Variants in ZNF804B observed in about 807,000 individuals in gnomAD.
ZNF804B encodes zinc finger protein 804B.
Under a neutral mutation model 101.4 loss-of-function variants are expected in ZNF804B, and 80 were observed. That is an observed-to-expected ratio of 0.79 (90% CI 0.66 to 0.95). ZNF804B has a LOEUF of 0.95. ZNF804B is among the 40% of genes least tolerant of loss of function. The pLI, the probability that ZNF804B is intolerant of heterozygous loss-of-function variation, is 0.00. For synonymous variants in ZNF804B, 622 were observed against 558.8 expected (o/e 1.11, Z -1.59); for missense variants, 1,673 against 1,561.9 (o/e 1.07, Z -1.20).
intron 1 of ZNF804B, among the ~76,000 whole-genome samples, chr7:89,052,865 C>A (rs1789229720): frequency 6.6e-6 from 1 of 152,192 alleles, no homozygotes; most frequent in Non-Finnish European, 1.5e-5. Flanking sequence ...TGTATGAACA[C>A]TACTTACCCT....
At chr7:89,271,656 C>G (rs1256444774) in intron 2 of ZNF804B, among the ~76,000 whole-genome samples, 1 of 152,134 alleles carries the variant, frequency 6.6e-6, no homozygotes, top group Non-Finnish European at 1.5e-5. Context: ...ACCAGCTCCT[C>G]TTTGTACCTC....
intron 1 of ZNF804B, among the ~76,000 whole-genome samples, chr7:89,196,188 T>C (rs1349097049): frequency 1.3e-5 from 2 of 152,126 alleles, no homozygotes; most frequent in South Asian, 2.1e-4. Context: ...AAGAGCATGA[T>C]ACCAGTATTA....
intron 1 of ZNF804B, among the ~76,000 whole-genome samples, chr7:89,210,931 C>A (rs896344814): frequency 1.3e-5 from 2 of 152,220 alleles, no homozygotes; most frequent in African/African-American, 4.8e-5. Flanking sequence ...CTGTTTTCCA[C>A]AATGGTTGCT....
intron 1 of ZNF804B, among the ~76,000 whole-genome samples, chr7:89,073,621 AT>A (rs1470856856): frequency 6.6e-6 from 1 of 151,908 alleles, no homozygotes; most frequent in Admixed American, 6.6e-5. Context: ...TTAGTCTATT[AT>A]TTTGTTTTAT....
chr7:88,810,654 C>T (rs1394110417), intron 1 of ZNF804B, among the ~76,000 whole-genome samples: 2 of 147,400 alleles, frequency 1.4e-5, no homozygotes, highest in Non-Finnish European at 3.0e-5. Context: ...CAGGGCGAGA[C>T]CCTGTCTCAC....
intron 1 of ZNF804B, among the ~76,000 whole-genome samples, chr7:89,178,605 T>C (rs1265158399): frequency 6.6e-6 from 1 of 152,170 alleles, no homozygotes; most frequent in African/African-American, 2.4e-5. Flanking sequence ...TCTTTTTGTG[T>C]CTTATTATAC....
intron 1 of ZNF804B, among the ~76,000 whole-genome samples, chr7:89,148,036 A>G (rs1206886175): frequency 6.6e-6 from 1 of 152,022 alleles, no homozygotes. Context: ...GTCTTTCATG[A>G]AACCAATCCC....
intron 1 of ZNF804B, among the ~76,000 whole-genome samples, chr7:88,931,600 A>T (rs1792886879): frequency 1.3e-5 from 2 of 151,890 alleles, no homozygotes; most frequent in African/African-American, 4.8e-5. Flanking sequence ...AATCTGGCAT[A>T]AACATCTTAA....
At chr7:89,242,968 A>T (rs562388930) in intron 2 of ZNF804B, among the ~76,000 whole-genome samples, 65 of 151,966 alleles carry the variant, frequency 4.3e-4, no homozygotes, top group African/African-American at 1.5e-3. Context: ...AGAGTTGGCT[A>T]TCACAATGTT....
At chr7:88,928,497 GT>G (rs1792838229) in intron 1 of ZNF804B, among the ~76,000 whole-genome samples, 1 of 152,128 alleles carries the variant, frequency 6.6e-6, no homozygotes, top group Non-Finnish European at 1.5e-5. Context: ...ATACCCTGGG[GT>G]GAGAAAAGCC....
At chr7:88,941,515 A>T (rs1793053558) in intron 1 of ZNF804B, among the ~76,000 whole-genome samples, 1 of 152,052 alleles carries the variant, frequency 6.6e-6, no homozygotes, top group African/African-American at 2.4e-5. Flanking sequence ...ATTTGAAAAG[A>T]CAACATGTTG....
rs149682911 is a variant in ZNF804B at position 88,956,678 on chromosome 7, T to A, written c.108+196594T>A. Among the ~76,000 whole-genome samples, 573 of 151,220 alleles carry A rather than the reference T, an allele frequency of 3.8e-3. 5 individuals carry two copies. The highest frequency in any genetic ancestry group is 0.013 in the African/African-American group (547 of 41,440). ...TTCTAACTGGGATAGTTTTTTAATA[T>A]GATGGACCAAGGAACACAGAAAAAA... is the stretch of plus-strand genomic sequence containing the variant. On this transcript the variant is annotated intron_variant, in intron 1 of 3. Coordinates refer to ENST00000333190, the MANE Select transcript of ZNF804B (RefSeq NM_181646.5).
At chr7:89,077,383 C>A (rs1789630928) in intron 1 of ZNF804B, among the ~76,000 whole-genome samples, 1 of 151,910 alleles carries the variant, frequency 6.6e-6, no homozygotes, top group Admixed American at 6.6e-5. Context: ...TTTCTGATAG[C>A]TGTAAGATAT....
intron 1 of ZNF804B, among the ~76,000 whole-genome samples, chr7:89,199,748 C>A (rs906115429): frequency 9.9e-5 from 15 of 151,690 alleles, no homozygotes; most frequent in African/African-American, 3.6e-4. Flanking sequence ...TTCCTACTGG[C>A]ATCTTTCTAT....
chr7:89,174,244 C>G (rs1375944132), intron 1 of ZNF804B, among the ~76,000 whole-genome samples: 1 of 152,018 alleles, frequency 6.6e-6, no homozygotes, highest in East Asian at 1.9e-4. Context: ...CATCCCACCA[C>G]TCACTACCCT....
intron 1 of ZNF804B, among the ~76,000 whole-genome samples, chr7:88,992,887 G>T (rs1319511201): frequency 1.3e-5 from 2 of 151,854 alleles, no homozygotes; most frequent in East Asian, 3.9e-4. Flanking sequence ...GTCCTTCTCA[G>T]AGTTCACAGT....
chr7:88,821,140 T>C (rs564090331), intron 1 of ZNF804B, among the ~76,000 whole-genome samples: 3 of 152,302 alleles, frequency 2.0e-5, no homozygotes, highest in African/African-American at 2.4e-5. Flanking sequence ...ATATCTATTA[T>C]GTAAATGTCA....
intron 2 of ZNF804B, among the ~76,000 whole-genome samples, chr7:89,228,411 C>T (rs563911994): frequency 1.3e-5 from 2 of 152,066 alleles, no homozygotes; most frequent in South Asian, 2.1e-4. Context: ...TTTAGCAGGG[C>T]GCTGATTGGT....
chr7:88,979,608 C>CT (rs141128834), intron 1 of ZNF804B, among the ~76,000 whole-genome samples: 2,291 of 142,594 alleles, frequency 0.016, 47 homozygotes, highest in African/African-American at 0.044. Context: ...CTTTTTCTTT[C>CT]TTTTTTTTTT....
Sources: gnomAD v4.1 joint callset for allele counts (sites outside exome capture counted in the v4.1 genomes callset) on GRCh38, gnomAD v4.1.1 for gene constraint, MANE v1.5 for transcripts, NCBI Gene and HGNC (gene_info 2026-07-23, HGNC 2026-07-21) for gene names.